The following UEVLD variants were observed in gnomAD, a reference collection of about 807,000 sequenced individuals.
UEVLD encodes the protein UEV and lactate/malate dehyrogenase domains, also known as ubiquitin-conjugating enzyme E2 variant 3.
Under a neutral mutation model 58.6 loss-of-function variants are expected in UEVLD, and 47 were observed. The ratio of observed to expected loss-of-function variants is 0.80; its 90% CI spans 0.63 to 1.02. The LOEUF (loss-of-function observed/expected upper bound fraction) is 1.02, where lower values mean the gene tolerates loss of function less well. Ranked by LOEUF, UEVLD falls within the 50% of genes least tolerant of loss-of-function variation. The probability of loss-of-function intolerance (pLI) is 0.00; values close to 1 mark genes in which losing one functional copy is unlikely to be tolerated. For synonymous variants in UEVLD, 197 were observed against 195.3 expected (o/e 1.01, Z -0.07); for missense variants, 510 against 550.6 (o/e 0.93, Z 0.74).
chr11:18,535,444 T>C (rs965000617), intron 10 of UEVLD, among the ~76,000 whole-genome samples: 3 of 152,198 alleles, frequency 2.0e-5, no homozygotes, highest in African/African-American at 7.2e-5. Flanking sequence ...AAAGTATAAA[T>C]GCAGGATTGT....
chr11:18,588,186 AATCGAT>A, intron 1 of UEVLD, among the ~76,000 whole-genome samples: 1 of 150,790 alleles, frequency 6.6e-6, no homozygotes. Context: ...ACAATGTGAT[AATCGAT>A]ATCTTTCAAA....
At chr11:18,537,642 T>G (rs1850866872) in intron 9 of UEVLD, among the ~76,000 whole-genome samples, 1 of 151,374 alleles carries the variant, frequency 6.6e-6, no homozygotes, top group Non-Finnish European at 1.5e-5. Flanking sequence ...GACTAGAAAT[T>G]TATATCACAC....
chr11:18,584,443 A>T (rs1211106668), intron 1 of UEVLD, among the ~76,000 whole-genome samples: 1 of 152,110 alleles, frequency 6.6e-6, no homozygotes, highest in Non-Finnish European at 1.5e-5. Flanking sequence ...GAATTGACCC[A>T]CCCACTTATG....
chr11:18,575,675 T>C (rs1163178827), intron 2 of UEVLD, among the ~76,000 whole-genome samples: 1 of 152,202 alleles, frequency 6.6e-6, no homozygotes, highest in Non-Finnish European at 1.5e-5. Flanking sequence ...CCTTCCCCAC[T>C]TAGAGGAATG....
rs930790144 is a variant in UEVLD, at chr11:18,531,860, A to G, written c.*460T>C. 1 of 152,272 alleles carries G rather than the reference A, an allele frequency of 6.6e-6. No individual in the cohort carries two copies. The highest frequency in any genetic ancestry group is 1.5e-5 in the Non-Finnish European group (1 of 68,078). 9.4% of individuals were successfully genotyped at this position (152,272 alleles called of 1,614,324 possible). A position where few individuals can be genotyped will look rare whatever the true frequency, so the allele number is the denominator to read the frequency against. Reference sequence around the variant, plus strand: ...TACTACCAACAGGATTTTACACAAGAAACATTAGTAACTTAAGCTGTGGAT... The same window carrying G: ...TACTACCAACAGGATTTTACACAAGGAACATTAGTAACTTAAGCTGTGGAT... On this transcript the variant is annotated 3_prime_UTR_variant, in exon 12 of 12. Transcript: ENST00000396197.
chr11:18,584,971 A>G (rs1853464943), intron 1 of UEVLD, among the ~76,000 whole-genome samples: 1 of 151,982 alleles, frequency 6.6e-6, no homozygotes, highest in Admixed American at 6.6e-5. Context: ...CATGCTTTAT[A>G]TATTTTAGAT....
intron 2 of UEVLD, 46 bp downstream of exon 2, chr11:18,578,675 TTAG>T (rs758712191): frequency 3.5e-6 from 5 of 1,411,042 alleles, no homozygotes; most frequent in South Asian, 2.4e-5. Context: ...GGACCAAAAA[TTAG>T]TAGTTCAAAT....
chr11:18,572,187 G>A (rs538626724), intron 3 of UEVLD, among the ~76,000 whole-genome samples: 3 of 152,130 alleles, frequency 2.0e-5, no homozygotes, highest in Non-Finnish European at 4.4e-5. Context: ...AGTGAGCCGA[G>A]ATCGCGCCAC....
chr11:18,534,058 C>T (rs2133950398), intron 11 of UEVLD, among the ~76,000 whole-genome samples: 1 of 152,280 alleles, frequency 6.6e-6, no homozygotes, highest in South Asian at 2.1e-4. Context: ...AAGAGATTTT[C>T]CCACCTCAGC....
In UEVLD at chr11:18,531,648, G is replaced by T. The variant is rs911874233; in HGVS notation, c.*672C>A. On this transcript the variant is annotated 3_prime_UTR_variant, in exon 12 of 12. Coordinates refer to ENST00000396197, the MANE Select transcript of UEVLD (RefSeq NM_001040697.4). ...TAGTTTATGAGATGTTGGAGATCTTGTAATACTCCAGGAAGAGGTTATGGA... is the reference window on the plus strand; with the variant it reads ...TAGTTTATGAGATGTTGGAGATCTTTTAATACTCCAGGAAGAGGTTATGGA... 6.6e-6 allele frequency: 1 copy of T among 152,160 alleles called. No individual in the cohort carries two copies. The highest frequency in any genetic ancestry group is 1.5e-5 in the Non-Finnish European group (1 of 68,036). 9.4% of individuals were successfully genotyped at this position (152,160 alleles called of 1,614,324 possible). A position where few individuals can be genotyped will look rare whatever the true frequency, so the allele number is the denominator to read the frequency against.
chr11:18,588,461 G>C, intron 1 of UEVLD, 152 bp downstream of exon 1: 1 of 877,670 alleles, frequency 1.1e-6, no homozygotes, highest in Non-Finnish European at 1.7e-6. Flanking sequence ...GCCTCCCTGG[G>C]GCCGCGCCCC....
At chr11:18,570,065 A>G in intron 4 of UEVLD, 149 bp downstream of exon 4, 2 of 880,634 alleles carry the variant, frequency 2.3e-6, no homozygotes, top group South Asian at 1.9e-5. Context: ...GTAACCCTAG[A>G]GAGCTCAATT....
intron 5 of UEVLD, 41 bp downstream of exon 5, chr11:18,566,306 C>T (rs1852292122): frequency 1.2e-6 from 2 of 1,610,686 alleles, no homozygotes; most frequent in Non-Finnish European, 1.7e-6. Flanking sequence ...AAACTGGTAA[C>T]TCATAACTCT....
intron 8 of UEVLD, among the ~76,000 whole-genome samples, chr11:18,546,101 C>T (rs888736496): frequency 1.3e-5 from 2 of 152,154 alleles, no homozygotes; most frequent in African/African-American, 4.8e-5. Context: ...AATCTGTTCA[C>T]CAATTTGAGC....
At chr11:18,568,926 G>A (rs866247459) in intron 4 of UEVLD, among the ~76,000 whole-genome samples, 53 of 151,570 alleles carry the variant, frequency 3.5e-4, no homozygotes, top group African/African-American at 1.1e-3. Context: ...GCGGAGTCTC[G>A]CTCTGTCGCC....
At chr11:18,540,295 G>A (rs1402957820) in intron 9 of UEVLD, among the ~76,000 whole-genome samples, 5 of 152,246 alleles carry the variant, frequency 3.3e-5, no homozygotes, top group African/African-American at 9.6e-5. Context: ...AAATTTAAAT[G>A]AGATATGCAA....
At chr11:18,557,373 C>T (rs767940336) in intron 7 of UEVLD, among the ~76,000 whole-genome samples, 11 of 151,780 alleles carry the variant, frequency 7.2e-5, no homozygotes, top group Admixed American at 3.9e-4. Flanking sequence ...AGGATGGTCT[C>T]GATTTCCCGA....
intron 9 of UEVLD, among the ~76,000 whole-genome samples, chr11:18,542,077 T>A (rs1851078508): frequency 6.6e-6 from 1 of 152,184 alleles, no homozygotes; most frequent in Non-Finnish European, 1.5e-5. Flanking sequence ...ATTTAATGGT[T>A]TGGTCAGAGG....
chr11:18,581,402 A>G (rs907457500), intron 1 of UEVLD, among the ~76,000 whole-genome samples: 16 of 151,464 alleles, frequency 1.1e-4, no homozygotes, highest in African/African-American at 3.9e-4. Flanking sequence ...TTAGTAGTTA[A>G]GCCAGGCATG....
Sources: gnomAD v4.1 joint callset for allele counts (sites outside exome capture counted in the v4.1 genomes callset) on GRCh38, gnomAD v4.1.1 for gene constraint, MANE v1.5 for transcripts, NCBI Gene and HGNC (gene_info 2026-07-23, HGNC 2026-07-21) for gene names.